The following PCSK5 variants were observed in gnomAD, a reference collection of about 807,000 sequenced individuals.
PCSK5 encodes the protein proprotein convertase subtilisin/kexin type 5.
Under a neutral mutation model 233.2 loss-of-function variants are expected in PCSK5, and 129 were observed. The ratio of observed to expected loss-of-function variants is 0.55; its 90% CI spans 0.48 to 0.64. The LOEUF (loss-of-function observed/expected upper bound fraction) is 0.64. Among genes scored for constraint, PCSK5 ranks in the 30% least tolerant of loss-of-function variants. The pLI is 0.00. For synonymous variants in PCSK5, 825 were observed against 879.2 expected (o/e 0.94, Z 1.09); for missense variants, 2,076 against 2,430.1 (o/e 0.85, Z 3.06).
chr9:76,318,314 C>T (rs183921827), intron 30 of PCSK5, among the ~76,000 whole-genome samples: 102 of 152,014 alleles, frequency 6.7e-4, no homozygotes, highest in Non-Finnish European at 1.1e-3. Context: ...CAGGGCCTGT[C>T]GGAGGGTAGG....
At chr9:76,343,333 TTGTGTGTGTGTGTGTGTG>T (rs57513234) in intron 35 of PCSK5, among the ~76,000 whole-genome samples, 65 of 133,900 alleles carry the variant, frequency 4.9e-4, no homozygotes, top group Non-Finnish European at 9.1e-4. Context: ...CCTGGGTAAT[TTGTGTGTGTGTGTGTGTG>T]TGTGTGTGTG....
At chr9:76,254,789 A>G (rs897767842) in intron 24 of PCSK5, among the ~76,000 whole-genome samples, 1 of 152,242 alleles carries the variant, frequency 6.6e-6, no homozygotes, top group Non-Finnish European at 1.5e-5. Context: ...GAGCATCTAC[A>G]TCAGGCTAGA....
chr9:76,190,097 C>T (rs1371752135), intron 20 of PCSK5, among the ~76,000 whole-genome samples: 1 of 152,142 alleles, frequency 6.6e-6, no homozygotes, highest in Non-Finnish European at 1.5e-5. Context: ...GCTTCCCCCA[C>T]TATCAACATC....
chr9:76,172,497 T>TA (rs1287986481), intron 13 of PCSK5, among the ~76,000 whole-genome samples: 2 of 152,160 alleles, frequency 1.3e-5, no homozygotes, highest in Admixed American at 1.3e-4. Context: ...AGGATATCCC[T>TA]AGTGGGCTTA....
intron 20 of PCSK5, among the ~76,000 whole-genome samples, chr9:76,225,197 A>G (rs1825849869): frequency 6.6e-6 from 1 of 152,202 alleles, no homozygotes; most frequent in Non-Finnish European, 1.5e-5. Flanking sequence ...CAATTGTGTT[A>G]TAACTATCTA....
intron 20 of PCSK5, among the ~76,000 whole-genome samples, chr9:76,224,641 T>A (rs1263643556): frequency 3.3e-5 from 5 of 152,192 alleles, no homozygotes; most frequent in Non-Finnish European, 1.5e-5. Flanking sequence ...AGAAGCTGTG[T>A]CTGGAGGATG....
In PCSK5 at chr9:76,107,434, C is replaced by G; in HGVS notation, c.1208+83C>G. The G allele has an allele frequency of 4.2e-6, 3 of 712,004 alleles. No individual in the cohort carries two copies. In the East Asian group the frequency reaches 8.3e-5, roughly 20 times the overall value. 44.1% of individuals were successfully genotyped at this position (712,004 alleles called of 1,614,324 possible). A position where few individuals can be genotyped will look rare whatever the true frequency, so the allele number is the denominator to read the frequency against. On this transcript the variant is annotated intron_variant, in intron 9 of 37. Transcript: ENST00000674117. ...GTACCCCTTCCCTTGTATAGGACCC[C>G]TAGCATGACAACCTAGAATATAATC...
In PCSK5 at chr9:76,071,902, G is replaced by T. The variant is rs2297344; in HGVS notation, c.894+4G>T. The T allele has an allele frequency of 0.17, 281,412 of 1,612,676 alleles. 25,120 individuals are homozygous for T. The highest frequency in any genetic ancestry group is 0.23 in the East Asian group (10,413 of 44,854). On this transcript the variant is annotated splice_donor_region_variant and intron_variant, in intron 7 of 37. Coordinates refer to ENST00000674117, the MANE Select transcript of PCSK5 (RefSeq NM_001372043.1). ...CTTTGAAAACGGCGTTAGAATGGTA[G>T]GTTTTAAAAGCATGGAGGCTTATAC...
rs114046719 is a variant in PCSK5 at position 75,967,400 on chromosome 9, A to G, written c.298-18732A>G. On this transcript the variant is annotated intron_variant, in intron 2 of 37. Coordinates refer to ENST00000674117, the MANE Select transcript of PCSK5 (RefSeq NM_001372043.1). ...GCTTAGGACAATGGTCTCCAGCTGC[A>G]TCCGTGTTGCTGCAAACGACATGAT... 7.5e-3 allele frequency among the ~76,000 whole-genome samples: 1,148 copies of G among 152,296 alleles called. 12 individuals are homozygous for G. Among genetic ancestry groups the G allele is most frequent in the African/African-American group, 0.026 (1,097 of 41,540 alleles).
intron 35 of PCSK5, among the ~76,000 whole-genome samples, chr9:76,349,135 G>C (rs532673468): frequency 7.9e-5 from 12 of 151,364 alleles, no homozygotes; most frequent in Admixed American, 5.3e-4. Context: ...TTAGCTGGGC[G>C]TGGTGGCGGG....
intron 24 of PCSK5, among the ~76,000 whole-genome samples, chr9:76,288,337 T>A (rs1056240032): frequency 6.6e-6 from 1 of 152,182 alleles, no homozygotes; most frequent in Admixed American, 6.5e-5. Flanking sequence ...GGCAGGAGGA[T>A]TGCTTGAGGT....
At chr9:75,969,052 C>T (rs888580119) in intron 2 of PCSK5, among the ~76,000 whole-genome samples, 2 of 151,996 alleles carry the variant, frequency 1.3e-5, no homozygotes, top group Non-Finnish European at 2.9e-5. Context: ...GGGGGCGGTT[C>T]TGGCATCATC....
chr9:76,032,803 G>A (rs940614761), intron 5 of PCSK5, among the ~76,000 whole-genome samples: 5 of 152,236 alleles, frequency 3.3e-5, no homozygotes, highest in African/African-American at 9.6e-5. Context: ...AGTTATATCA[G>A]CCCCTCCCTA....
chr9:75,890,223 A>G (rs1825513651), upstream of PCSK5, among the ~76,000 whole-genome samples: 1 of 152,206 alleles, frequency 6.6e-6, no homozygotes, highest in Non-Finnish European at 1.5e-5. Context: ...AGCTGCTGAA[A>G]AGCATGAAGA....
intron 20 of PCSK5, among the ~76,000 whole-genome samples, chr9:76,207,765 G>A (rs1216563479): frequency 2.6e-5 from 4 of 152,180 alleles, no homozygotes; most frequent in East Asian, 3.9e-4. Flanking sequence ...ATAGGAGGCT[G>A]GAAAGGGACA....
intron 8 of PCSK5, among the ~76,000 whole-genome samples, chr9:76,104,012 G>C (rs374053348): frequency 1.3e-5 from 2 of 152,282 alleles, no homozygotes; most frequent in South Asian, 4.1e-4. Context: ...AATGCAACTT[G>C]CCTTTAAATT....
At chr9:75,916,570 A>G (rs1294352331) in intron 1 of PCSK5, among the ~76,000 whole-genome samples, 7 of 152,098 alleles carry the variant, frequency 4.6e-5, no homozygotes, top group Non-Finnish European at 8.8e-5. Context: ...GCTAAGATCC[A>G]AAAAACGAGA....
At chr9:76,037,603 A>G (rs1587532668) in intron 5 of PCSK5, among the ~76,000 whole-genome samples, 1 of 152,118 alleles carries the variant, frequency 6.6e-6, no homozygotes, top group South Asian at 2.1e-4. Flanking sequence ...CACTTTTCCA[A>G]TGTTTTTGCA....
At chr9:76,237,974 G>A (rs1826302429) in intron 22 of PCSK5, among the ~76,000 whole-genome samples, 1 of 152,150 alleles carries the variant, frequency 6.6e-6, no homozygotes, top group African/African-American at 2.4e-5. Flanking sequence ...AAATTCAGCA[G>A]CCTTGCATCT....
Sources: gnomAD v4.1 joint callset for allele counts (sites outside exome capture counted in the v4.1 genomes callset) on GRCh38, gnomAD v4.1.1 for gene constraint, MANE v1.5 for transcripts, NCBI Gene and HGNC (gene_info 2026-07-23, HGNC 2026-07-21) for gene names.